Variants in SKAP1 observed in about 807,000 individuals in gnomAD.
SKAP1 encodes the protein src kinase-associated phosphoprotein 1.
SKAP1 carries 44 observed loss-of-function variants against 58.5 expected under a neutral mutation model. The ratio of observed to expected loss-of-function variants is 0.75; its 90% CI spans 0.59 to 0.97. The LOEUF (loss-of-function observed/expected upper bound fraction) is 0.97, where lower values mean the gene tolerates loss of function less well. SKAP1 is among the 50% of genes least tolerant of loss of function. SKAP1 has a pLI of 0.00. For missense variants in SKAP1, 390 were observed against 435.2 expected, an observed-to-expected ratio of 0.90 and a Z score of 0.92; for synonymous variants, 127 against 149.7, an observed-to-expected ratio of 0.85 and a Z score of 1.11.
chr17:48,304,613 TA>T (rs1291854947), intron 4 of SKAP1, among the ~76,000 whole-genome samples: 1 of 152,226 alleles, frequency 6.6e-6, no homozygotes, highest in East Asian at 1.9e-4. Context: ...AGTGGCTTTT[TA>T]AAGGATATAA....
At chr17:48,188,819 T>C (rs996610283) in intron 5 of SKAP1, among the ~76,000 whole-genome samples, 4 of 152,084 alleles carry the variant, frequency 2.6e-5, no homozygotes, top group Non-Finnish European at 5.9e-5. Context: ...GCCAACATGA[T>C]GAAATCCTGT....
intron 4 of SKAP1, among the ~76,000 whole-genome samples, chr17:48,206,376 G>A (rs761401715): frequency 5.9e-5 from 9 of 152,024 alleles, no homozygotes; most frequent in African/African-American, 1.2e-4. Flanking sequence ...GAACCTCCAC[G>A]TGGTCAGTTA....
intron 4 of SKAP1, among the ~76,000 whole-genome samples, chr17:48,274,105 T>C (rs1034934455): frequency 6.6e-6 from 1 of 152,110 alleles, no homozygotes; most frequent in Non-Finnish European, 1.5e-5. Context: ...AAAAAATTTT[T>C]AGGCCAAGCG....
At chr17:48,183,030 C>T (rs2064391573) in intron 7 of SKAP1, among the ~76,000 whole-genome samples, 1 of 152,154 alleles carries the variant, frequency 6.6e-6, no homozygotes, top group Admixed American at 6.5e-5. Flanking sequence ...ATCAGCTTGA[C>T]TGAAGAACAA....
At chr17:48,429,463 G>A (rs539753429) in intron 1 of SKAP1, among the ~76,000 whole-genome samples, 3 of 152,338 alleles carry the variant, frequency 2.0e-5, no homozygotes, top group African/African-American at 7.2e-5. Flanking sequence ...CACAATGGGG[G>A]CACTTCTAGA....
chr17:48,324,672 T>A (rs1442282122), intron 4 of SKAP1, among the ~76,000 whole-genome samples: 6 of 152,104 alleles, frequency 3.9e-5, no homozygotes, highest in African/African-American at 9.6e-5. Flanking sequence ...CAGGTATTTC[T>A]CCTGTTTCCA....
intron 4 of SKAP1, among the ~76,000 whole-genome samples, chr17:48,272,646 A>C (rs985245187): frequency 2.0e-5 from 3 of 151,994 alleles, no homozygotes; most frequent in Non-Finnish European, 4.4e-5. Flanking sequence ...ACCTCTGCCC[A>C]TTGGGCTCAA....
rs769466816 is a variant in SKAP1, at chr17:48,345,964, C to T, written c.221G>A (p.Gly74Glu). Residue 74 changes from glycine to glutamate, a missense_variant, in exon 4 of 13, where the codon GGG becomes GAG. Coordinates refer to ENST00000336915, the MANE Select transcript of SKAP1 (RefSeq NM_003726.4). ...GQDSSDDNHS[G>E]TLGLSLTSDA... is the part of the protein sequence containing the mutation. ...GGATGTGAGGGACAGGCCAAGAGTC[C>T]CGCTGTGATTATCATCAGAGCTGTC... The T allele has an allele frequency of 1.9e-6, 3 of 1,613,550 alleles. No homozygotes were observed. The African/African-American group carries it at 4.0e-5, about 22-fold the overall frequency.
At chr17:48,370,844 G>A (rs1430996959) in intron 2 of SKAP1, among the ~76,000 whole-genome samples, 1 of 152,136 alleles carries the variant, frequency 6.6e-6, no homozygotes, top group Non-Finnish European at 1.5e-5. Flanking sequence ...TCATCACAGT[G>A]CTATTCATAA....
intron 4 of SKAP1, among the ~76,000 whole-genome samples, chr17:48,250,661 TA>T (rs200300613): frequency 2.4e-4 from 37 of 151,072 alleles, no homozygotes; most frequent in Admixed American, 7.3e-4. Flanking sequence ...CTCGTTTTTC[TA>T]AAAAAAAATA....
At chr17:48,254,461 G>A (rs539733921) in intron 4 of SKAP1, among the ~76,000 whole-genome samples, 7 of 152,102 alleles carry the variant, frequency 4.6e-5, no homozygotes, top group African/African-American at 1.7e-4. Flanking sequence ...CATAGTATAA[G>A]CAATCATGTC....
At chr17:48,197,308 T>G (rs1449222494) in intron 4 of SKAP1, among the ~76,000 whole-genome samples, 1 of 149,740 alleles carries the variant, frequency 6.7e-6, no homozygotes, top group Non-Finnish European at 1.5e-5. Flanking sequence ...TCGTAAGACC[T>G]CTTCTGATGC....
chr17:48,153,572 G>C lies in SKAP1; in HGVS notation c.978+8897C>G, dbSNP rs60525548. ...TTGACCTGCTTGTTAACATGAAATG[G>C]GGTGGTGGGGACAGCTTCTGCTTCT... is the stretch of plus-strand genomic sequence containing the variant. On this transcript the variant is annotated intron_variant, in intron 11 of 12. Transcript: ENST00000336915. 5.3e-5 allele frequency among the ~76,000 whole-genome samples: 8 copies of C among 152,088 alleles called. No individual in the cohort carries two copies. In the East Asian group the frequency reaches 1.5e-3, roughly 29 times the overall value.
intron 4 of SKAP1, among the ~76,000 whole-genome samples, chr17:48,283,613 C>G (rs891344383): frequency 4.6e-5 from 7 of 152,204 alleles, no homozygotes; most frequent in African/African-American, 1.4e-4. Context: ...AATCTAGCAG[C>G]AGGCAGGGGG....
intron 8 of SKAP1, among the ~76,000 whole-genome samples, 158 bp downstream of exon 8, chr17:48,182,236 T>TAGTA (rs2064379062): frequency 6.6e-6 from 1 of 152,178 alleles, no homozygotes; most frequent in Non-Finnish European, 1.5e-5. Flanking sequence ...CATTCACACA[T>TAGTA]AGTACTATTT....
intron 1 of SKAP1, among the ~76,000 whole-genome samples, chr17:48,403,305 T>C (rs1183636726): frequency 6.6e-6 from 1 of 151,952 alleles, no homozygotes; most frequent in Non-Finnish European, 1.5e-5. Context: ...GAGTTCAAGG[T>C]TGCAGAGAGC....
intron 4 of SKAP1, among the ~76,000 whole-genome samples, chr17:48,190,314 G>A (rs1329391026): frequency 3.3e-5 from 5 of 151,654 alleles, no homozygotes; most frequent in Non-Finnish European, 5.9e-5. Context: ...GGGTTTCACC[G>A]TGTTAGCCAG....
At chr17:48,394,031 T>A (rs2067383634) in intron 2 of SKAP1, among the ~76,000 whole-genome samples, 1 of 152,088 alleles carries the variant, frequency 6.6e-6, no homozygotes, top group East Asian at 1.9e-4. Flanking sequence ...AGTGCAAGAG[T>A]TCCAGACCAG....
intron 1 of SKAP1, among the ~76,000 whole-genome samples, chr17:48,405,580 G>A (rs1490568692): frequency 6.8e-6 from 1 of 146,974 alleles, no homozygotes; most frequent in Non-Finnish European, 1.5e-5. Flanking sequence ...TCGGCTCACT[G>A]CAACCTCCGC....
Sources: gnomAD v4.1 joint callset for allele counts (sites outside exome capture counted in the v4.1 genomes callset) on GRCh38, gnomAD v4.1.1 for gene constraint, MANE v1.5 for transcripts, NCBI Gene and HGNC (gene_info 2026-07-23, HGNC 2026-07-21) for gene names.